The following DNM1 variants were observed in gnomAD, a reference collection of about 807,000 sequenced individuals.
DNM1 encodes dynamin-1.
In DNM1, 29 loss-of-function variants were observed where a neutral mutation model predicts 104.6. The ratio of observed to expected loss-of-function variants is 0.28; its 90% CI spans 0.21 to 0.38. The LOEUF (loss-of-function observed/expected upper bound fraction) is 0.38. Among genes scored for constraint, DNM1 ranks in the 10% least tolerant of loss-of-function variants. The pLI, the probability that DNM1 is intolerant of heterozygous loss-of-function variation, is 1.00. For missense variants in DNM1, 640 were observed against 1,189.4 expected (o/e 0.54, Z 6.79); for synonymous variants, 445 against 475.8 (o/e 0.94, Z 0.84).
chr9:128,208,375 A>G (rs1008130586), intron 1 of DNM1, among the ~76,000 whole-genome samples: 5 of 152,080 alleles, frequency 3.3e-5, no homozygotes, highest in Non-Finnish European at 5.9e-5. Context: ...TCTGCATTCT[A>G]TCCCAGCATG....
At chr9:128,215,653 C>T (rs538205291) in intron 1 of DNM1, among the ~76,000 whole-genome samples, 1 of 152,206 alleles carries the variant, frequency 6.6e-6, no homozygotes, top group Non-Finnish European at 1.5e-5. Flanking sequence ...TCCCCACACC[C>T]GCTATGTGGC....
At chr9:128,244,265 T>C (rs1031068973) in intron 15 of DNM1, among the ~76,000 whole-genome samples, 1 of 151,514 alleles carries the variant, frequency 6.6e-6, no homozygotes, top group Non-Finnish European at 1.5e-5. Context: ...TGCATGCACT[T>C]GTGTGTGTCC....
chr9:128,249,716 T>C (rs895604138), intron 19 of DNM1, among the ~76,000 whole-genome samples: 51 of 151,720 alleles, frequency 3.4e-4, no homozygotes, highest in Admixed American at 1.8e-3. Context: ...TCCTAGCTAC[T>C]GGAGAGGCTG....
At chr9:128,252,312 C>T (rs1829579254) in intron 21 of DNM1, 1 of 351,278 alleles carries the variant, frequency 2.8e-6, no homozygotes. Flanking sequence ...GGTTTGATGC[C>T]TGCCCCAACT....
chr9:128,227,818 C>G (rs1835437183), intron 10 of DNM1, among the ~76,000 whole-genome samples: 1 of 151,868 alleles, frequency 6.6e-6, no homozygotes, highest in African/African-American at 2.4e-5. Flanking sequence ...CAATGAACAT[C>G]CTTATAGATG....
At position 128,222,342 on chromosome 9, in the gene DNM1, G is replaced by A. The variant is rs764710759; in HGVS notation, c.992+3G>A. On this transcript the variant is annotated splice_donor_region_variant and intron_variant, in intron 7 of 21. Transcript: ENST00000372923. This position sits in a 1 kb window ranked among gnomAD's most constrained non-coding sequence, Gnocchi z 7.8. ...CGCAAGACCAAGGCCCTGCTGCAGT[G>A]AGGCTCCCCCAGCTCCTATCACTGA... 7 of 1,612,632 alleles carry A rather than the reference G, an allele frequency of 4.3e-6. No individual in the cohort carries two copies. The highest frequency in any genetic ancestry group is 5.9e-6 in the Non-Finnish European group (7 of 1,179,188).
At chr9:128,252,695 G>T in intron 21 of DNM1, 1 of 476,622 alleles carries the variant, frequency 2.1e-6, no homozygotes, top group South Asian at 1.6e-5. Context: ...AGAAATGACA[G>T]CTGGACTTTA....
Position 128,218,639 on chromosome 9 carries a change from G to A in DNM1, c.293G>A (p.Arg98His), listed in dbSNP as rs748195071. The change falls in exon 3 of 22, where the codon CGC becomes CAC. Residue 98 changes from arginine to histidine, a missense_variant. Arg to His is a conservative substitution (Grantham distance 29). Coordinates refer to ENST00000372923, the MANE Select transcript of DNM1 (RefSeq NM_004408.4). The surrounding 1 kb of genome is among the most constrained non-coding windows in gnomAD (Gnocchi z 4.8). ...GKKFTDFEEV[R>H]LEIEAETDRV... is the part of the protein sequence containing the mutation. ...AAATTCACCGACTTCGAGGAGGTGC[G>A]CCTTGAGATCGAGGCCGAGACCGAC... The A allele has an allele frequency of 3.1e-6, 5 of 1,613,604 alleles. No homozygotes were observed. The African/African-American group carries it at 6.7e-5, about 22-fold the overall frequency.
intron 15 of DNM1, among the ~76,000 whole-genome samples, chr9:128,244,358 G>A (rs775404759): frequency 6.6e-6 from 1 of 152,034 alleles, no homozygotes; most frequent in Non-Finnish European, 1.5e-5. Flanking sequence ...AGGTGCGTGT[G>A]TGTTGAATGT....
At position 128,245,718 on chromosome 9, in the gene DNM1, C is replaced by T. The variant is rs894992447; in HGVS notation, c.1672-676C>T. On this transcript the variant is annotated intron_variant, in intron 15 of 21. Coordinates refer to ENST00000372923, the MANE Select transcript of DNM1 (RefSeq NM_004408.4). The surrounding 1 kb of genome is among the most constrained non-coding windows in gnomAD (Gnocchi z 5.2). Reference sequence around the variant, plus strand: ...TGTAGGCTCGCACAATTGCCACACACATCCACAAAGTGTGCACACATCCAC... The same window carrying T: ...TGTAGGCTCGCACAATTGCCACACATATCCACAAAGTGTGCACACATCCAC... Among the ~76,000 whole-genome samples the T allele has an allele frequency of 6.6e-6, 1 of 152,366 alleles. No homozygotes were observed. Among genetic ancestry groups the T allele is most frequent in the Non-Finnish European group, 1.5e-5 (1 of 68,028 alleles).
intron 21 of DNM1, chr9:128,251,862 G>T (rs1829552627): frequency 6.5e-6 from 1 of 153,586 alleles, no homozygotes; most frequent in Admixed American, 6.5e-5. Flanking sequence ...CTCTAAGGAA[G>T]AACACAGCAG....
At chr9:128,246,283 G>A (rs1248227316) in intron 15 of DNM1, 111 bp from the exon 16 acceptor site, 10 of 774,956 alleles carry the variant, frequency 1.3e-5, no homozygotes, top group African/African-American at 1.0e-4. Flanking sequence ...CTTCGCAGTG[G>A]GAGGGGGCTG....
chr9:128,254,611 CTTTTCTCTCCCG>C lies in DNM1; in HGVS notation c.2535-33_2535-22del. 4.4e-6 allele frequency: 7 copies of C among 1,596,104 alleles called. No homozygotes were observed. Among genetic ancestry groups the C allele is most frequent in the Non-Finnish European group, 5.9e-6 (7 of 1,179,570 alleles). On this transcript the variant is annotated intron_variant, in intron 21 of 21. Transcript: ENST00000372923. The surrounding 1 kb of genome is among the most constrained non-coding windows in gnomAD (Gnocchi z 6.1). ...GCTTGCCTTACCAGCTCTCTCCTCG[CTTTTCTCTCCCG>C]TTTTCTCTCTGCTTTCTCTCCAACT...
At position 128,220,187 on chromosome 9, in the gene DNM1, T is replaced by C. The variant is rs766504829; in HGVS notation, c.695T>C (p.Ile232Thr). Residue 232 changes from isoleucine to threonine, a missense_variant, in exon 6 of 22, where the codon ATT (isoleucine) becomes ACT (threonine). This residue lies in a region of DNM1 where 172 missense variants were observed against 335.3 expected (regional missense o/e 0.51). Coordinates refer to ENST00000372923, the MANE Select transcript of DNM1 (RefSeq NM_004408.4). This position sits in a 1 kb window ranked among gnomAD's most constrained non-coding sequence, Gnocchi z 5.2. ...ACCTTGATACTGTTCACAGGCTACA[T>C]TGGAGTGGTGAACCGGAGCCAGAAG... Reference protein sequence around the residue: ...NKLLPLRRGYIGVVNRSQKDI... With the variant: ...NKLLPLRRGYTGVVNRSQKDI... 19 of 1,613,962 alleles carry C rather than the reference T, an allele frequency of 1.2e-5. No individual in the cohort carries two copies. Among genetic ancestry groups the C allele is most frequent in the East Asian group, 6.7e-5 (3 of 44,892 alleles).
chr9:128,247,162 T>C lies in DNM1; in HGVS notation c.1782-213T>C. Reference sequence around the variant, plus strand: ...CTAAGCATTTTACCACTCACTTCACTGAATCCTCAGTGACCCAAGGAGGCA... The same window carrying C: ...CTAAGCATTTTACCACTCACTTCACCGAATCCTCAGTGACCCAAGGAGGCA... On this transcript the variant is annotated intron_variant, in intron 16 of 21. Coordinates refer to ENST00000372923, the MANE Select transcript of DNM1 (RefSeq NM_004408.4). This position sits in a 1 kb window ranked among gnomAD's most constrained non-coding sequence, Gnocchi z 5.1. 2.1e-6 allele frequency: 1 copy of C among 478,600 alleles called. No individual in the cohort carries two copies. The highest frequency in any genetic ancestry group is 3.8e-6 in the Non-Finnish European group (1 of 263,460). 29.6% of individuals were successfully genotyped at this position (478,600 alleles called of 1,614,324 possible).
At chr9:128,205,045 G>C (rs1460086634) in intron 1 of DNM1, among the ~76,000 whole-genome samples, 1 of 152,156 alleles carries the variant, frequency 6.6e-6, no homozygotes, top group African/African-American at 2.4e-5. Context: ...GACGTTGGAA[G>C]GCCACCGTGG....
At chr9:128,233,932 C>T (rs1039214948) in intron 10 of DNM1, 89 bp from the exon 11 acceptor site, 18 of 1,196,754 alleles carry the variant, frequency 1.5e-5, no homozygotes, top group South Asian at 2.6e-5. Context: ...TCCCACCCTG[C>T]GCCGCGGATC....
intron 1 of DNM1, among the ~76,000 whole-genome samples, chr9:128,207,118 T>TGGTGCC (rs1834016482): frequency 6.6e-6 from 1 of 151,918 alleles, no homozygotes; most frequent in African/African-American, 2.4e-5. Context: ...GGGTGGGTGT[T>TGGTGCC]GGTGCCATTA....
Position 128,247,621 on chromosome 9 carries a change from C to A in DNM1, c.1893+135C>A. Reference sequence around the variant, plus strand: ...GAAATAATAGGAATCCTCCCCCCTACCCACTCTGGGGGTGGGAACAGAGAT... The same window carrying A: ...GAAATAATAGGAATCCTCCCCCCTAACCACTCTGGGGGTGGGAACAGAGAT... On this transcript the variant is annotated intron_variant, in intron 17 of 21. Coordinates refer to ENST00000372923, the MANE Select transcript of DNM1 (RefSeq NM_004408.4). The surrounding 1 kb of genome is among the most constrained non-coding windows in gnomAD (Gnocchi z 5.1). The A allele has an allele frequency of 2.6e-6, 2 of 776,838 alleles. No individual in the cohort carries two copies. The highest frequency in any genetic ancestry group is 4.2e-6 in the Non-Finnish European group (2 of 475,284). 48.1% of individuals were successfully genotyped at this position (776,838 alleles called of 1,614,324 possible). A position where few individuals can be genotyped will look rare whatever the true frequency, so the allele number is the denominator to read the frequency against.
Sources: allele counts gnomAD v4.1 joint callset (sites outside exome capture counted in the v4.1 genomes callset), GRCh38; gene constraint gnomAD v4.1.1; regional missense constraint gnomAD v4.1.1; non-coding constraint Gnocchi (gnomAD v3.1); transcripts MANE v1.5; gene names NCBI Gene and HGNC (gene_info 2026-07-23, HGNC 2026-07-21).